ALKBH8: variants seen among roughly 807,000 people sequenced by gnomAD.
ALKBH8 encodes the protein tRNA (carboxymethyluridine(34)-5-O)-methyltransferase ALKBH8.
A neutral mutation model predicts 59.8 loss-of-function variants in ALKBH8; 36 were observed. That is an observed-to-expected ratio of 0.60 (90% CI 0.46 to 0.79). The LOEUF (loss-of-function observed/expected upper bound fraction) is 0.79. Among genes scored for constraint, ALKBH8 ranks in the 30% least tolerant of loss-of-function variants. The pLI is 0.00. For synonymous variants in ALKBH8, 276 were observed against 273.6 expected (o/e 1.01, Z -0.09); for missense variants, 768 against 801.0 (o/e 0.96, Z 0.50).
At chr11:107,525,635 TA>T in intron 8 of ALKBH8, 43 bp from the exon 9 acceptor site, 1 of 1,284,804 alleles carries the variant, frequency 7.8e-7, no homozygotes, top group Middle Eastern at 2.0e-4. Flanking sequence ...ATTGTATTAA[TA>T]AAAATATTTC....
chr11:107,512,820 C>T (rs1042272327), intron 10 of ALKBH8, among the ~76,000 whole-genome samples: 3 of 152,238 alleles, frequency 2.0e-5, no homozygotes, highest in East Asian at 1.9e-4. Flanking sequence ...TATGAATGCT[C>T]ATATCAAAAC....
intron 10 of ALKBH8, among the ~76,000 whole-genome samples, chr11:107,515,620 G>A (rs1173759153): frequency 6.6e-6 from 1 of 152,116 alleles, no homozygotes; most frequent in African/African-American, 2.4e-5. Flanking sequence ...GCCTCTCAAA[G>A]TGCTAGGATT....
chr11:107,525,389 T>C, intron 9 of ALKBH8, 52 bp downstream of exon 9: 1 of 1,476,042 alleles, frequency 6.8e-7, no homozygotes, highest in South Asian at 1.3e-5. Flanking sequence ...CTTAAAGGAC[T>C]TTTATATTAA....
intron 1 of ALKBH8, among the ~76,000 whole-genome samples, chr11:107,562,486 AT>A (rs1238705733): frequency 3.3e-5 from 5 of 152,126 alleles, no homozygotes; most frequent in Non-Finnish European, 5.9e-5. Flanking sequence ...CACAGGCATA[AT>A]TTTTTTAGAC....
chr11:107,565,516 G>A (rs1396176339), intron 1 of ALKBH8, 85 bp downstream of exon 1: 1 of 1,528,494 alleles, frequency 6.5e-7, no homozygotes. Flanking sequence ...TAGCTGGCAA[G>A]GCGGATAGAG....
chr11:107,517,814 G>A (rs1028115434), intron 10 of ALKBH8, among the ~76,000 whole-genome samples: 4 of 152,120 alleles, frequency 2.6e-5, no homozygotes, highest in African/African-American at 9.7e-5. Context: ...TTTTAGATAG[G>A]AGGAATAAAT....
chr11:107,562,689 G>C (rs1291450512), intron 1 of ALKBH8: 1 of 152,238 alleles, frequency 6.6e-6, no homozygotes, highest in East Asian at 1.9e-4. Flanking sequence ...CTAGCACAGG[G>C]GGTACATACT....
rs1862304961 is a variant in ALKBH8, at chr11:107,504,741, C to T, written c.1912G>A (p.Ala638Thr). ...HVFREGELEG[A>T]CRTVSDVRIL... ...CTGACATCACTCACAGTCCTGCAGG[C>T]ACCTTCCAGTTCTCCCTCACGGAAC... The change falls in exon 12 of 12, where the codon GCC (alanine) becomes ACC (threonine). Residue 638 changes from alanine to threonine, a missense_variant. Physicochemically the swap from Ala to Thr is moderately conservative, Grantham distance 58 (BLOSUM62 0). Coordinates refer to ENST00000428149, the MANE Select transcript of ALKBH8 (RefSeq NM_138775.3). The T allele has an allele frequency of 6.4e-7, 1 of 1,552,116 alleles. No homozygotes were observed. Among genetic ancestry groups the T allele is most frequent in the Non-Finnish European group, 8.7e-7 (1 of 1,147,064 alleles).
intron 3 of ALKBH8, among the ~76,000 whole-genome samples, chr11:107,555,585 G>T (rs559245055): frequency 6.6e-6 from 1 of 152,134 alleles, no homozygotes; most frequent in South Asian, 2.1e-4. Flanking sequence ...AAAATTAAAT[G>T]CATATGAGCA....
At chr11:107,553,301 G>A in intron 4 of ALKBH8, 98 bp from the exon 5 acceptor site, 3 of 655,340 alleles carry the variant, frequency 4.6e-6, no homozygotes, top group South Asian at 2.4e-5. Flanking sequence ...GTTTAGTAAT[G>A]GCAACTTCTG....
chr11:107,509,987 T>C (rs1221596695), intron 11 of ALKBH8, among the ~76,000 whole-genome samples: 1 of 152,222 alleles, frequency 6.6e-6, no homozygotes, highest in Non-Finnish European at 1.5e-5. Context: ...AATTTACTGG[T>C]ATAGCTGCTC....
intron 8 of ALKBH8, among the ~76,000 whole-genome samples, chr11:107,530,907 A>C (rs991398039): frequency 2.0e-5 from 3 of 152,228 alleles, no homozygotes; most frequent in Non-Finnish European, 4.4e-5. Context: ...AAATATTTTC[A>C]CAATATATCC....
chr11:107,565,408 C>G, intron 1 of ALKBH8, 193 bp downstream of exon 1: 1 of 691,872 alleles, frequency 1.4e-6, no homozygotes, highest in Non-Finnish European at 2.4e-6. Context: ...CACATGCACC[C>G]TAAACACTGA....
In ALKBH8 at chr11:107,504,886, A is replaced by G; in HGVS notation, c.1767T>C (p.Ser589=). Residue 589 remains serine, a synonymous_variant, in exon 12 of 12, where the codon TCT becomes TCC. Transcript: ENST00000428149. The part of the protein sequence containing the change: ...PVHVNRTSFY[S]QDVLVPWHLK... ...GGTGCCAGGGAACCAGTACATCTTG[A>G]GAATAAAAAGAAGTCCTGTTAACAT... is the stretch of plus-strand genomic sequence containing the variant. The G allele has an allele frequency of 6.4e-6, 10 of 1,551,862 alleles. No individual in the cohort carries two copies. Among genetic ancestry groups the G allele is most frequent in the Non-Finnish European group, 7.8e-6 (9 of 1,146,988 alleles).
intron 10 of ALKBH8, among the ~76,000 whole-genome samples, chr11:107,518,173 C>T (rs751827792): frequency 1.3e-5 from 2 of 152,002 alleles, no homozygotes; most frequent in Non-Finnish European, 2.9e-5. Context: ...AATTATTGCA[C>T]ATTCATTATT....
chr11:107,525,097 A>G (rs985313787), intron 9 of ALKBH8, among the ~76,000 whole-genome samples: 2 of 152,198 alleles, frequency 1.3e-5, no homozygotes, highest in Admixed American at 6.5e-5. Context: ...AACTTGACAA[A>G]CCATTCCCAA....
intron 7 of ALKBH8, among the ~76,000 whole-genome samples, chr11:107,542,198 T>C (rs564510367): frequency 2.0e-5 from 3 of 152,000 alleles, no homozygotes; most frequent in African/African-American, 7.2e-5. Context: ...AAAAACTCAA[T>C]CTACAGATTC....
chr11:107,528,096 A>C (rs1863428143), intron 8 of ALKBH8, among the ~76,000 whole-genome samples: 1 of 152,048 alleles, frequency 6.6e-6, no homozygotes, highest in African/African-American at 2.4e-5. Flanking sequence ...TTATTCCTTT[A>C]ACGTGATGAA....
At chr11:107,565,488 T>C (rs1288287478) in intron 1 of ALKBH8, 113 bp downstream of exon 1, 3 of 1,469,030 alleles carry the variant, frequency 2.0e-6, no homozygotes, top group African/African-American at 2.8e-5. Flanking sequence ...CCATCCCCTT[T>C]CCCTAGGTTC....
Sources: allele counts gnomAD v4.1 joint callset (sites outside exome capture counted in the v4.1 genomes callset), GRCh38; gene constraint gnomAD v4.1.1; transcripts MANE v1.5; gene names NCBI Gene and HGNC (gene_info 2026-07-23, HGNC 2026-07-21).